CLEC2D: variants seen among roughly 807,000 people sequenced by gnomAD.
CLEC2D encodes the protein C-type lectin domain family 2 member D, also known as C-type lectin related f.
A neutral mutation model predicts 20.0 loss-of-function variants in CLEC2D; 16 were observed. That is an observed-to-expected ratio of 0.80 (90% CI 0.54 to 1.22). The LOEUF (loss-of-function observed/expected upper bound fraction) is 1.22. Among genes scored for constraint, CLEC2D ranks in the 50% most tolerant of loss-of-function variants. CLEC2D has a pLI of 0.00. For missense variants in CLEC2D, 207 were observed against 221.5 expected (o/e 0.93, Z 0.42); for synonymous variants, 77 against 71.1 (o/e 1.08, Z -0.42).
At chr12:9,693,533 A>G (rs1358019974) in intron 4 of CLEC2D, 1 of 184,490 alleles carries the variant, frequency 5.4e-6, no homozygotes, top group Non-Finnish European at 1.2e-5. Context: ...ATTGTAATAC[A>G]TTCATCAATA....
intron 3 of CLEC2D, among the ~76,000 whole-genome samples, chr12:9,691,477 C>A (rs1330111803): frequency 1.3e-5 from 2 of 151,598 alleles, no homozygotes; most frequent in Non-Finnish European, 3.0e-5. Flanking sequence ...TTCTCAAATG[C>A]ACATGGAACA....
intron 1 of CLEC2D, among the ~76,000 whole-genome samples, chr12:9,670,597 A>C (rs1408407516): frequency 6.6e-6 from 1 of 152,172 alleles, no homozygotes; most frequent in Non-Finnish European, 1.5e-5. Flanking sequence ...TTCTTTCCCC[A>C]TGGAAGTTGA....
At position 9,696,443 on chromosome 12, in the gene CLEC2D, T is replaced by C. The variant is rs1865995855; in HGVS notation, c.*1569T>C. The C allele has an allele frequency of 4.5e-6, 2 of 441,804 alleles. No individual in the cohort carries two copies. Among genetic ancestry groups the C allele is most frequent in the Non-Finnish European group, 8.4e-6 (2 of 239,324 alleles). The allele number at this position is 441,804 out of a possible 1,614,324, so 27.4% of individuals were successfully genotyped here. A position where few individuals can be genotyped will look rare whatever the true frequency, so the allele number is the denominator to read the frequency against. ...TCCACCCTTTGCTTGGTTTTAAGTA[T>C]GTATGGGATGCTATGATAGGACATA... is the stretch of plus-strand genomic sequence containing the variant. On this transcript the variant is annotated 3_prime_UTR_variant, in exon 5 of 5. Coordinates refer to ENST00000290855, the MANE Select transcript of CLEC2D (RefSeq NM_013269.6).
At chr12:9,693,879 C>T (rs995326686) in intron 4 of CLEC2D, 1 of 423,576 alleles carries the variant, frequency 2.4e-6, no homozygotes, top group Admixed American at 2.6e-5. Context: ...CATCGTGGCT[C>T]ACTGCAGCCT....
chr12:9,686,231 C>G (rs1483799337), intron 2 of CLEC2D, among the ~76,000 whole-genome samples: 1 of 151,800 alleles, frequency 6.6e-6, no homozygotes, highest in African/African-American at 2.4e-5. Context: ...GTTGGAAATG[C>G]AGAAATCACC....
chr12:9,672,284 G>A (rs760556534), intron 1 of CLEC2D, among the ~76,000 whole-genome samples: 2 of 152,256 alleles, frequency 1.3e-5, no homozygotes, highest in East Asian at 3.9e-4. Context: ...CCTCTTAAAG[G>A]ACCTGCCTCT....
At chr12:9,687,761 C>CA (rs1865779427) in intron 2 of CLEC2D, 141 bp from the exon 3 acceptor site, 3 of 472,070 alleles carry the variant, frequency 6.4e-6, no homozygotes, top group African/African-American at 2.0e-5. Context: ...TATTTAGCAT[C>CA]ATATTTCTCA....
intron 3 of CLEC2D, among the ~76,000 whole-genome samples, chr12:9,692,017 A>G (rs1334101225): frequency 6.6e-6 from 1 of 152,232 alleles, no homozygotes; most frequent in African/African-American, 2.4e-5. Flanking sequence ...AAGGAAACAC[A>G]GCAAAGGAAA....
chr12:9,670,395 C>T (rs1865392036), intron 1 of CLEC2D, among the ~76,000 whole-genome samples: 1 of 152,120 alleles, frequency 6.6e-6, no homozygotes, highest in Non-Finnish European at 1.5e-5. Context: ...GGAGTTTTCT[C>T]CTCCCAACTT....
intron 1 of CLEC2D, among the ~76,000 whole-genome samples, chr12:9,674,926 G>A (rs546378362): frequency 4.6e-5 from 7 of 151,952 alleles, no homozygotes; most frequent in South Asian, 2.1e-4. Context: ...TATCTTCTAC[G>A]AGTTTTACAG....
At chr12:9,693,383 C>G (rs1199369366) in intron 4 of CLEC2D, 1 of 296,446 alleles carries the variant, frequency 3.4e-6, no homozygotes, top group Admixed American at 4.6e-5. Context: ...AAGTTTGGCA[C>G]TAGAAAATTT....
intron 2 of CLEC2D, among the ~76,000 whole-genome samples, chr12:9,683,335 G>GTTTTTTTTTT (rs1357039664): frequency 1.8e-4 from 2 of 11,288 alleles, no homozygotes; most frequent in Non-Finnish European, 3.3e-4. Flanking sequence ...TTTTGTGTTT[G>GTTTTTTTTTT]TTTTTTTTTT....
intron 3 of CLEC2D, among the ~76,000 whole-genome samples, chr12:9,690,341 CAT>C (rs1012068147): frequency 1.3e-5 from 2 of 152,046 alleles, no homozygotes; most frequent in Non-Finnish European, 2.9e-5. Flanking sequence ...TACCAGTAGA[CAT>C]GTGCTACAGA....
At chr12:9,693,487 T>G (rs1865910342) in intron 4 of CLEC2D, 1 of 180,274 alleles carries the variant, frequency 5.5e-6, no homozygotes, top group South Asian at 1.2e-4. Context: ...ACTCAATGTT[T>G]GTCTGAGAGA....
chr12:9,673,546 C>T (rs76027969), intron 1 of CLEC2D, among the ~76,000 whole-genome samples: 3,512 of 152,316 alleles, frequency 0.023, 149 homozygotes, highest in African/African-American at 0.081. Context: ...ATCAAGGACC[C>T]GCTTATGTAG....
chr12:9,690,646 A>G (rs1865842974), intron 3 of CLEC2D, among the ~76,000 whole-genome samples: 1 of 152,110 alleles, frequency 6.6e-6, no homozygotes, highest in Non-Finnish European at 1.5e-5. Flanking sequence ...ATATAGGATC[A>G]AAATGTTTGC....
At chr12:9,693,406 A>G (rs758481352) in intron 4 of CLEC2D, 3 of 268,144 alleles carry the variant, frequency 1.1e-5, no homozygotes, top group South Asian at 1.7e-4. Context: ...TCTCAATTGT[A>G]TATTTATAGG....
chr12:9,686,095 G>A (rs142275429), intron 2 of CLEC2D, among the ~76,000 whole-genome samples: 9 of 151,804 alleles, frequency 5.9e-5, no homozygotes, highest in Non-Finnish European at 1.0e-4. Flanking sequence ...CCCTTGGCTA[G>A]GGGAGGGAGT....
At chr12:9,691,394 C>T (rs1051016763) in intron 3 of CLEC2D, among the ~76,000 whole-genome samples, 1 of 152,048 alleles carries the variant, frequency 6.6e-6, no homozygotes, top group African/African-American at 2.4e-5. Context: ...AAAATTTGAA[C>T]AACACTATAA....
Sources: allele counts gnomAD v4.1 joint callset (sites outside exome capture counted in the v4.1 genomes callset), GRCh38; gene constraint gnomAD v4.1.1; transcripts MANE v1.5; gene names NCBI Gene and HGNC (gene_info 2026-07-23, HGNC 2026-07-21).